The following HMG20A variants were observed in gnomAD, a reference collection of about 807,000 sequenced individuals.
HMG20A encodes high mobility group 20A.
A neutral mutation model predicts 43.9 loss-of-function variants in HMG20A; 17 were observed. The ratio of observed to expected loss-of-function variants is 0.39; its 90% CI spans 0.27 to 0.58. The LOEUF (loss-of-function observed/expected upper bound fraction) is 0.58, where lower values mean the gene tolerates loss of function less well. Among genes scored for constraint, HMG20A ranks in the 20% least tolerant of loss-of-function variants. HMG20A has a pLI of 0.59. For missense variants in HMG20A, 341 were observed against 438.2 expected (o/e 0.78, Z 1.98); for synonymous variants, 132 against 147.5 (o/e 0.89, Z 0.76).
chr15:77,501,208 A>G, the HMG20A span, among the ~76,000 whole-genome samples: 1 of 152,102 alleles, frequency 6.6e-6, no homozygotes, highest in Non-Finnish European at 1.5e-5. Flanking sequence ...ATCCTTCCCT[A>G]TGACTAATGC....
rs1269320350 is a variant in HMG20A at position 77,484,159 on chromosome 15, G to A, written c.*1196G>A. On this transcript the variant is annotated 3_prime_UTR_variant, in exon 10 of 10. Coordinates refer to ENST00000336216, the MANE Select transcript of HMG20A (RefSeq NM_001304504.2). ...TTTTGTTTACAGATGAGGTCTTCCT[G>A]TGTTGCCCAGGCTGGAGTGCGGTGG... 1 of 152,180 alleles carries A rather than the reference G, an allele frequency of 6.6e-6. No homozygotes were observed. Among genetic ancestry groups the A allele is most frequent in the Non-Finnish European group, 1.5e-5 (1 of 68,072 alleles). The allele number at this position is 152,180 out of a possible 1,614,324, so 9.4% of individuals were successfully genotyped here. A position where few individuals can be genotyped will look rare whatever the true frequency, so the allele number is the denominator to read the frequency against.
rs374920143 is a variant in HMG20A at position 77,464,218 on chromosome 15, G to A, written c.90-22G>A. ...AAATAGGTGGAGTTTTTGTGTTGTTGATACTTCTGCCTATTATTCAGGTTA... is the reference window on the plus strand; with the variant it reads ...AAATAGGTGGAGTTTTTGTGTTGTTAATACTTCTGCCTATTATTCAGGTTA... On this transcript the variant is annotated intron_variant, in intron 2 of 9. Coordinates refer to ENST00000336216, the MANE Select transcript of HMG20A (RefSeq NM_001304504.2). The A allele has an allele frequency of 3.1e-6, 5 of 1,609,798 alleles. No homozygotes were observed. In the African/African-American group the frequency reaches 6.7e-5, roughly 22 times the overall value.
intron 2 of HMG20A, among the ~76,000 whole-genome samples, chr15:77,460,821 A>G (rs2072698051): frequency 6.6e-6 from 1 of 152,118 alleles, no homozygotes; most frequent in African/African-American, 2.4e-5. Context: ...CCCTGTCTCT[A>G]CTAAAAATAC....
chr15:77,458,333 T>C (rs1417990673), intron 1 of HMG20A, 71 bp from the exon 2 acceptor site: 1 of 963,556 alleles, frequency 1.0e-6, no homozygotes, highest in Non-Finnish European at 1.6e-6. Context: ...GAAGGCTGGC[T>C]CTTAAATTAG....
At chr15:77,497,069 T>TTA in the HMG20A span, among the ~76,000 whole-genome samples, 1 of 152,156 alleles carries the variant, frequency 6.6e-6, no homozygotes, top group Non-Finnish European at 1.5e-5. Context: ...GGCAGCTCTG[T>TTA]TACAATCCAT....
Position 77,471,042 on chromosome 15 carries a change from G to T in HMG20A, c.583G>T (p.Asp195Tyr). ...TCAGAAAGGCAAATCTCATAGGCAA[G>T]GTATCAAAACCAGAACCAAATGTAT... Reference protein sequence around the residue: ...DRQKGKSHRQDAARQATHDHE... With the variant: ...DRQKGKSHRQYAARQATHDHE... The change falls in exon 5 of 10, where the codon GAT becomes TAT. Residue 195 changes from aspartate (D) to tyrosine (Y), a missense_variant and splice_region_variant. This residue lies in a region of HMG20A where 220 missense variants were observed against 263.6 expected (regional missense o/e 0.83). Coordinates refer to ENST00000336216, the MANE Select transcript of HMG20A (RefSeq NM_001304504.2). 5 of 1,608,720 alleles carry T rather than the reference G, an allele frequency of 3.1e-6. No individual in the cohort carries two copies. The highest frequency in any genetic ancestry group is 4.2e-6 in the Non-Finnish European group (5 of 1,178,508).
the HMG20A span, among the ~76,000 whole-genome samples, chr15:77,500,937 CT>C: frequency 6.6e-6 from 1 of 152,132 alleles, no homozygotes; most frequent in Non-Finnish European, 1.5e-5. Flanking sequence ...CTTTTCTTAC[CT>C]TGTCCTTCCT....
At chr15:77,497,682 A>AGAGAGAGTGT in the HMG20A span, among the ~76,000 whole-genome samples, 18 of 119,086 alleles carry the variant, frequency 1.5e-4, no homozygotes, top group African/African-American at 4.1e-4. Flanking sequence ...AGAGAGAGAG[A>AGAGAGAGTGT]GTGTGTGTGT....
intron 4 of HMG20A, among the ~76,000 whole-genome samples, chr15:77,468,939 T>A (rs1038159093): frequency 6.6e-6 from 1 of 152,166 alleles, no homozygotes; most frequent in East Asian, 1.9e-4. Context: ...ATAATCTTTC[T>A]TTTTCTTTTA....
At chr15:77,503,648 G>A in the HMG20A span, among the ~76,000 whole-genome samples, 1 of 152,210 alleles carries the variant, frequency 6.6e-6, no homozygotes. Context: ...TGATTTGCCC[G>A]AGCAGGAGAG....
intron 4 of HMG20A, 88 bp from the exon 5 acceptor site, chr15:77,470,822 A>G (rs538756354): frequency 8.7e-7 from 1 of 1,155,378 alleles, no homozygotes; most frequent in South Asian, 2.0e-5. Flanking sequence ...CCCATGTTCT[A>G]ATTGTCCTGT....
At chr15:77,487,843 T>C (rs1193930149), downstream of HMG20A, among the ~76,000 whole-genome samples, 5 of 152,208 alleles carry the variant, frequency 3.3e-5, no homozygotes, top group African/African-American at 1.2e-4. Context: ...AAATATATAC[T>C]TCAGTATCTA....
intron 3 of HMG20A, chr15:77,464,638 A>G (rs2072738075): frequency 6.1e-6 from 2 of 325,614 alleles, no homozygotes. Context: ...TTGAACAAAT[A>G]CTTGTTGAAT....
intron 1 of HMG20A, among the ~76,000 whole-genome samples, chr15:77,432,849 A>G (rs1215036592): frequency 4.6e-5 from 7 of 152,114 alleles, no homozygotes; most frequent in African/African-American, 1.4e-4. Context: ...AAAAAAGAGC[A>G]TAAATTACCA....
intron 1 of HMG20A, among the ~76,000 whole-genome samples, chr15:77,430,979 A>G (rs1405145381): frequency 6.6e-6 from 1 of 152,204 alleles, no homozygotes; most frequent in Non-Finnish European, 1.5e-5. Context: ...ATGGATTTGA[A>G]AAGTGCAAGA....
At chr15:77,456,371 G>C (rs2072654198) in intron 1 of HMG20A, among the ~76,000 whole-genome samples, 1 of 152,064 alleles carries the variant, frequency 6.6e-6, no homozygotes, top group Non-Finnish European at 1.5e-5. Flanking sequence ...TTGACTTCTA[G>C]GGATACTTTT....
At chr15:77,514,249 C>T in the HMG20A span, among the ~76,000 whole-genome samples, 13 of 152,280 alleles carry the variant, frequency 8.5e-5, no homozygotes, top group African/African-American at 2.9e-4. Context: ...TATTAATACA[C>T]GCAACAATGT....
chr15:77,433,224 T>C (rs1476463545), intron 1 of HMG20A, among the ~76,000 whole-genome samples: 2 of 151,308 alleles, frequency 1.3e-5, no homozygotes, highest in Non-Finnish European at 2.9e-5. Flanking sequence ...AGCGTGCACC[T>C]ATAGTCCTAG....
At chr15:77,500,729 C>T in the HMG20A span, among the ~76,000 whole-genome samples, 2 of 152,106 alleles carry the variant, frequency 1.3e-5, no homozygotes, top group African/African-American at 2.4e-5. Flanking sequence ...CCACCATGAC[C>T]GGCTAATTTT....
Sources: gnomAD v4.1 joint callset for allele counts (sites outside exome capture counted in the v4.1 genomes callset) on GRCh38, gnomAD v4.1.1 for gene constraint, gnomAD v4.1.1 regional missense constraint, MANE v1.5 for transcripts, NCBI Gene and HGNC (gene_info 2026-07-23, HGNC 2026-07-21) for gene names.